The following FBXO3 variants were observed in gnomAD, a reference collection of about 807,000 sequenced individuals.
The protein encoded by FBXO3 is F-box protein 3.
FBXO3 carries 17 observed loss-of-function variants against 64.8 expected under a neutral mutation model. That is an observed-to-expected ratio of 0.26 (90% CI 0.18 to 0.39). FBXO3 has a LOEUF of 0.39. Among genes scored for constraint, FBXO3 ranks in the 10% least tolerant of loss-of-function variants. FBXO3 has a pLI of 1.00. For missense variants in FBXO3, 420 were observed against 589.9 expected, an observed-to-expected ratio of 0.71 and a Z score of 2.98; for synonymous variants, 182 against 201.6, an observed-to-expected ratio of 0.90 and a Z score of 0.82.
chr11:33,760,307 A>G (rs1855211044), intron 3 of FBXO3, among the ~76,000 whole-genome samples: 1 of 152,190 alleles, frequency 6.6e-6, no homozygotes, highest in Admixed American at 6.5e-5. Context: ...AATTACCTTC[A>G]AAAGAGAAAC....
At chr11:33,774,286 G>T in intron 1 of FBXO3, 108 bp downstream of exon 1, 5 of 960,612 alleles carry the variant, frequency 5.2e-6, no homozygotes, top group South Asian at 1.5e-5. Flanking sequence ...GTCACCTTCT[G>T]GTGTCGCGGA....
At position 33,751,593 on chromosome 11, in the gene FBXO3, C is replaced by T; in HGVS notation, c.739G>A (p.Asp247Asn). 1.2e-6 allele frequency: 2 copies of T among 1,602,776 alleles called. No homozygotes were observed. The highest frequency in any genetic ancestry group is 1.7e-6 in the Non-Finnish European group (2 of 1,174,736). The change falls in exon 7 of 11, where the codon GAC becomes AAC. Residue 247 changes from aspartate (D) to asparagine (N), a missense_variant. Transcript: ENST00000265651. ...TTTTTGACATAAGAGGTAAACCAGT[C>T]AGTAAAAGTAGCACCTATAAAGCAG... ...DMFIIGATFT[D>N]WFTSYVKNVV... is the part of the protein sequence containing the mutation.
At chr11:33,754,680 A>G (rs960526780) in intron 5 of FBXO3, among the ~76,000 whole-genome samples, 180 bp from the exon 6 acceptor site, 2 of 152,200 alleles carry the variant, frequency 1.3e-5, no homozygotes, top group African/African-American at 4.8e-5. Context: ...AGATCCGAAC[A>G]GTTCTAGGTT....
intron 9 of FBXO3, 124 bp from the exon 10 acceptor site, chr11:33,747,444 A>AG: frequency 1.3e-6 from 1 of 757,374 alleles, no homozygotes; most frequent in African/African-American, 1.8e-5. Context: ...TAGAAAAAAA[A>AG]ATTCCAAAAG....
chr11:33,744,416 A>G (rs1240722101), intron 10 of FBXO3: 3 of 152,270 alleles, frequency 2.0e-5, no homozygotes, highest in Non-Finnish European at 4.4e-5. Context: ...CACACACACC[A>G]CCTAGACCAA....
At chr11:33,758,966 T>G (rs999153556) in intron 3 of FBXO3, among the ~76,000 whole-genome samples, 2 of 151,962 alleles carry the variant, frequency 1.3e-5, no homozygotes, top group African/African-American at 4.8e-5. Flanking sequence ...TTCTCTAAAC[T>G]GATGTTATTT....
chr11:33,765,407 T>C (rs1855343783), intron 3 of FBXO3, among the ~76,000 whole-genome samples: 2 of 152,238 alleles, frequency 1.3e-5, no homozygotes, highest in Non-Finnish European at 1.5e-5. Context: ...ATGTGCCACA[T>C]GTTAGACACT....
At chr11:33,764,279 C>G (rs531413401) in intron 3 of FBXO3, among the ~76,000 whole-genome samples, 1 of 152,146 alleles carries the variant, frequency 6.6e-6, no homozygotes, top group African/African-American at 2.4e-5. Context: ...ACATAAAGTT[C>G]AAAAAAGAAA....
Position 33,743,488 on chromosome 11 carries a change from C to T in FBXO3, c.1240-1404G>A, listed in dbSNP as rs941228221. 3 of 152,248 alleles carry T rather than the reference C, an allele frequency of 2.0e-5. No homozygotes were observed. The highest frequency in any genetic ancestry group is 2.9e-5 in the Non-Finnish European group (2 of 68,068). 9.4% of individuals were successfully genotyped at this position (152,248 alleles called of 1,614,324 possible). A position where few individuals can be genotyped will look rare whatever the true frequency, so the allele number is the denominator to read the frequency against. ...GAACAGCAAGGACCTACTTGGTATTCTGGAAAGTATGGGGCAACTTGGGGC... is the reference window on the plus strand; with the variant it reads ...GAACAGCAAGGACCTACTTGGTATTTTGGAAAGTATGGGGCAACTTGGGGC... On this transcript the variant is annotated intron_variant, in intron 10 of 10. Coordinates refer to ENST00000265651, the MANE Select transcript of FBXO3 (RefSeq NM_012175.4). This position sits in a 1 kb window ranked among gnomAD's most constrained non-coding sequence, Gnocchi z 4.6.
rs749723667 is a variant in FBXO3, at chr11:33,751,627, G to GA, written c.725-21dup. On this transcript the variant is annotated intron_variant, in intron 6 of 10. Transcript: ENST00000265651. Reference sequence around the variant, plus strand: ...TAGCACCTATAAAGCAGGAAAGGGAGAAAAAAAGAAAAGAACAAATAGTTT... The same window carrying GA: ...TAGCACCTATAAAGCAGGAAAGGGAGAAAAAAAAGAAAAGAACAAATAGTTT... 1.1e-5 allele frequency: 15 copies of GA among 1,389,632 alleles called. No homozygotes were observed. The South Asian group carries it at 1.6e-4, about 15-fold the overall frequency. The allele number at this position is 1,389,632 out of a possible 1,614,324, so 86.1% of individuals were successfully genotyped here. A position where few individuals can be genotyped will look rare whatever the true frequency, so the allele number is the denominator to read the frequency against.
chr11:33,773,935 C>G (rs1169195083), intron 1 of FBXO3: 2 of 156,918 alleles, frequency 1.3e-5, no homozygotes, highest in East Asian at 3.8e-4. Flanking sequence ...ATCTTCTCCT[C>G]TCGCTCACCC....
intron 10 of FBXO3, chr11:33,745,453 G>C (rs868062840): frequency 6.6e-6 from 1 of 151,926 alleles, no homozygotes; most frequent in South Asian, 2.1e-4. Context: ...ATAATTTTGG[G>C]CCATAAAACA....
At chr11:33,755,431 G>A (rs1360388721) in intron 5 of FBXO3, among the ~76,000 whole-genome samples, 1 of 152,174 alleles carries the variant, frequency 6.6e-6, no homozygotes, top group Admixed American at 6.5e-5. Flanking sequence ...CTCAAAGCAT[G>A]AATCAAAGGA....
chr11:33,766,456 G>A (rs577378064), intron 3 of FBXO3, among the ~76,000 whole-genome samples: 11 of 152,288 alleles, frequency 7.2e-5, no homozygotes, highest in South Asian at 2.1e-4. Context: ...CAACAACAGC[G>A]GAGTTGAAGA....
chr11:33,770,545 A>G (rs1855486165), intron 2 of FBXO3, among the ~76,000 whole-genome samples, 196 bp downstream of exon 2: 1 of 152,258 alleles, frequency 6.6e-6, no homozygotes, highest in South Asian at 2.1e-4. Flanking sequence ...CAATGCATGC[A>G]GTAGAGTTCA....
At chr11:33,770,538 T>C (rs1292050572) in intron 2 of FBXO3, among the ~76,000 whole-genome samples, 2 of 152,154 alleles carry the variant, frequency 1.3e-5, no homozygotes, top group African/African-American at 4.8e-5. Flanking sequence ...ACGGCAACAA[T>C]GCATGCAGTA....
chr11:33,758,067 G>T (rs565529061), intron 4 of FBXO3, among the ~76,000 whole-genome samples: 76 of 152,110 alleles, frequency 5.0e-4, no homozygotes, highest in African/African-American at 1.8e-3. Flanking sequence ...TTTATTTAGT[G>T]TAGTGTATGC....
Position 33,742,004 on chromosome 11 carries a change from T to A in FBXO3, c.1320A>T (p.Ala440=), listed in dbSNP as rs764262917. 6.2e-7 allele frequency: 1 copy of A among 1,603,324 alleles called. No homozygotes were observed. The highest frequency in any genetic ancestry group is 8.5e-7 in the Non-Finnish European group (1 of 1,170,210). ...EEEEDEDDDS[A]DMDESDEDDE... The stretch of plus-strand genomic sequence containing the variant: ...CATCTTCATCTGATTCATCCATATC[T>A]GCTGAATCATCATCCTCGTCTTCCT... Residue 440 remains alanine (A), a synonymous_variant, in exon 11 of 11, where the codon GCA becomes GCT. Transcript: ENST00000265651.
intron 2 of FBXO3, among the ~76,000 whole-genome samples, chr11:33,770,435 A>G (rs953871): frequency 0.35 from 52,821 of 152,154 alleles, 9,427 homozygotes; most frequent in Middle Eastern, 0.55. Flanking sequence ...AAGGTCCAGC[A>G]GACAGTTGTG....
Sources: gnomAD v4.1 joint callset for allele counts (sites outside exome capture counted in the v4.1 genomes callset) on GRCh38, gnomAD v4.1.1 for gene constraint, Gnocchi (gnomAD v3.1) non-coding constraint, MANE v1.5 for transcripts, NCBI Gene and HGNC (gene_info 2026-07-23, HGNC 2026-07-21) for gene names.